Variants in ADGRG5 observed in about 807,000 individuals in gnomAD.
The protein encoded by ADGRG5 is G protein-coupled receptor 114.
Under a neutral mutation model 53.2 loss-of-function variants are expected in ADGRG5, and 37 were observed. The ratio of observed to expected loss-of-function variants is 0.70; its 90% CI spans 0.53 to 0.91. ADGRG5 has a LOEUF of 0.91. Ranked by LOEUF, ADGRG5 falls within the 40% of genes least tolerant of loss-of-function variation. The pLI, the probability that ADGRG5 is intolerant of heterozygous loss-of-function variation, is 0.00. For synonymous variants in ADGRG5, 277 were observed against 290.4 expected, an observed-to-expected ratio of 0.95 and a Z score of 0.47; for missense variants, 614 against 675.8, an observed-to-expected ratio of 0.91 and a Z score of 1.01.
chr16:57,543,787 G>A (rs1230950910), intron 1 of ADGRG5, among the ~76,000 whole-genome samples: 2 of 152,164 alleles, frequency 1.3e-5, no homozygotes, highest in Non-Finnish European at 2.9e-5. Context: ...CCCAAGCCTT[G>A]TGCTCAGATG....
intron 1 of ADGRG5, among the ~76,000 whole-genome samples, chr16:57,555,385 T>G (rs1386803001): frequency 6.6e-6 from 1 of 152,046 alleles, no homozygotes; most frequent in Non-Finnish European, 1.5e-5. Flanking sequence ...AAGCATCTGG[T>G]TTTTCCCCTG....
At position 57,559,101 on chromosome 16, in the gene ADGRG5, C is replaced by T. The variant is rs116455392; in HGVS notation, c.-38-2955C>T. On this transcript the variant is annotated intron_variant, in intron 1 of 11. Transcript: ENST00000349457. ...CTAGGCTCAAGCAATTTGCCTACCT[C>T]GGCCACCCAAAGTGTTGGGATTACA... 9.4e-3 allele frequency among the ~76,000 whole-genome samples: 1,431 copies of T among 151,782 alleles called. 25 individuals are homozygous for T. Among genetic ancestry groups the T allele is most frequent in the African/African-American group, 0.033 (1,357 of 41,346 alleles).
intron 1 of ADGRG5, among the ~76,000 whole-genome samples, chr16:57,545,953 G>A (rs1450804759): frequency 6.6e-6 from 1 of 152,058 alleles, no homozygotes; most frequent in East Asian, 1.9e-4. Flanking sequence ...AGCCTCCCGA[G>A]TAGCTGGGAT....
the ADGRG5 span, chr16:57,536,656 C>T: frequency 2.0e-5 from 3 of 152,138 alleles, no homozygotes; most frequent in African/African-American, 7.2e-5. Context: ...GCGGCGGGGC[C>T]CCCGAAGCGG....
upstream of ADGRG5, among the ~76,000 whole-genome samples, chr16:57,540,686 C>T (rs1418286223): frequency 6.6e-6 from 1 of 152,132 alleles, no homozygotes; most frequent in East Asian, 1.9e-4. Context: ...TGGGACCGAG[C>T]AGGGAGGTGG....
chr16:57,546,415 C>T (rs2032621831), intron 1 of ADGRG5, among the ~76,000 whole-genome samples: 1 of 152,148 alleles, frequency 6.6e-6, no homozygotes, highest in Admixed American at 6.5e-5. Context: ...TATGAGCTAC[C>T]ACGCCCCGCC....
intron 1 of ADGRG5, among the ~76,000 whole-genome samples, chr16:57,547,409 G>C (rs1447131472): frequency 2.0e-5 from 3 of 152,126 alleles, no homozygotes; most frequent in African/African-American, 7.2e-5. Context: ...GTGATATGCT[G>C]TGCTCTTCTT....
At chr16:57,561,070 T>C (rs1247919812) in intron 1 of ADGRG5, among the ~76,000 whole-genome samples, 1 of 152,230 alleles carries the variant, frequency 6.6e-6, no homozygotes, top group Non-Finnish European at 1.5e-5. Context: ...TGAGCCGCCA[T>C]GCCTGGCCAA....
At chr16:57,532,400 G>A in the ADGRG5 span, among the ~76,000 whole-genome samples, 1 of 152,138 alleles carries the variant, frequency 6.6e-6, no homozygotes, top group East Asian at 1.9e-4. Context: ...GAGATCCCTA[G>A]CAGCCTGTGC....
At position 57,563,104 on chromosome 16, in the gene ADGRG5, C is replaced by T. The variant is rs757022258; in HGVS notation, c.154C>T (p.Leu52=). 6.2e-6 allele frequency: 10 copies of T among 1,614,162 alleles called. No homozygotes were observed. Among genetic ancestry groups the T allele is most frequent in the Non-Finnish European group, 2.5e-6 (3 of 1,180,020 alleles). ...TCTGGGCTGCAGTCAACTCCACCAG[C>T]TGGAGCAGATGCTACTGAACACCAG... The part of the protein sequence containing the change: ...SVFSSRQLHQ[L]EQMLLNTSFP... The change falls in exon 4 of 12, where the codon CTG becomes TTG. Residue 52 remains leucine, a synonymous_variant. Transcript: ENST00000349457.
At chr16:57,562,263 C>T (rs2033022535) in intron 2 of ADGRG5, 106 bp downstream of exon 2, 6 of 1,412,546 alleles carry the variant, frequency 4.2e-6, no homozygotes. Flanking sequence ...GCCACTTAGG[C>T]TTCCTGGGGG....
intron 1 of ADGRG5, among the ~76,000 whole-genome samples, chr16:57,546,931 C>G (rs1448943779): frequency 6.6e-5 from 10 of 152,108 alleles, no homozygotes; most frequent in African/African-American, 2.4e-4. Context: ...AGGGTGGTCT[C>G]CATCTCCTGG....
Position 57,566,616 on chromosome 16 carries a change from CT to C in ADGRG5, c.565del (p.Cys189ValfsTer76). 1 of 1,564,024 alleles carries C rather than the reference CT, an allele frequency of 6.4e-7. No individual in the cohort carries two copies. The highest frequency in any genetic ancestry group is 8.6e-7 in the Non-Finnish European group (1 of 1,156,688). ...NQSLEGYTLT[C>X]VFWKEGARKQ... The stretch of plus-strand genomic sequence containing the variant: ...CCACCCAGGAAGGCTACACCCTGAC[CT>C]GTGTCTTCTGGAAGGAGGGAGCCAG... On this transcript the variant is annotated frameshift_variant, in exon 7 of 12. Transcript: ENST00000349457. LOFTEE classifies it high-confidence loss of function.
intron 3 of ADGRG5, 63 bp downstream of exon 3, chr16:57,562,522 A>G: frequency 9.2e-7 from 1 of 1,091,170 alleles, no homozygotes; most frequent in Non-Finnish European, 1.4e-6. Flanking sequence ...GGGTTAGTCT[A>G]ATGTAGACTC....
intron 9 of ADGRG5, among the ~76,000 whole-genome samples, chr16:57,569,838 G>C (rs74198813): frequency 5.0e-5 from 7 of 140,002 alleles, no homozygotes; most frequent in East Asian, 2.0e-4. Flanking sequence ...CCTCCTCCAC[G>C]TCTATCATCA....
At chr16:57,570,798 C>A (rs1372759672) in intron 10 of ADGRG5, among the ~76,000 whole-genome samples, 1 of 152,182 alleles carries the variant, frequency 6.6e-6, no homozygotes, top group African/African-American at 2.4e-5. Flanking sequence ...GCAGCCGGGC[C>A]TCCCGCCTCC....
chr16:57,564,014 C>G, intron 5 of ADGRG5, 35 bp downstream of exon 5: 1 of 1,595,716 alleles, frequency 6.3e-7, no homozygotes, highest in Middle Eastern at 1.7e-4. Context: ...GGGTGGGTGC[C>G]GGCCCCTTCT....
the ADGRG5 span, among the ~76,000 whole-genome samples, chr16:57,531,862 C>T: frequency 0.34 from 51,685 of 151,968 alleles, 8,914 homozygotes; most frequent in East Asian, 0.42. Context: ...CCACTCTTAC[C>T]TTCAACTATG....
chr16:57,567,577 G>A lies in ADGRG5; in HGVS notation c.807G>A (p.Leu269=). The part of the protein sequence containing the change: ...SIVASLITVL[L]HFHFRKQSDS... The stretch of plus-strand genomic sequence containing the variant: ...TGGCCTCGCTGATCACAGTCCTGCT[G>A]CACTTCCATTTCAGGTATTCCGCTG... Residue 269 remains leucine, a synonymous_variant, in exon 8 of 12, where the codon CTG becomes CTA. Transcript: ENST00000349457. 1 of 1,610,934 alleles carries A rather than the reference G, an allele frequency of 6.2e-7. No homozygotes were observed. The highest frequency in any genetic ancestry group is 8.5e-7 in the Non-Finnish European group (1 of 1,179,890).
Sources: gnomAD v4.1 joint callset for allele counts (sites outside exome capture counted in the v4.1 genomes callset) on GRCh38, gnomAD v4.1.1 for gene constraint, MANE v1.5 for transcripts, NCBI Gene and HGNC (gene_info 2026-07-23, HGNC 2026-07-21) for gene names.